The following RBFOX1 variants were observed in gnomAD, a reference collection of about 807,000 sequenced individuals.
The protein encoded by RBFOX1 is RNA binding protein fox-1 homolog 1.
In RBFOX1, 8 loss-of-function variants were observed where a neutral mutation model predicts 57.7. The observed-to-expected ratio is 0.14, with a 90% CI of 0.08 to 0.25. RBFOX1 has a LOEUF of 0.25. Among genes scored for constraint, RBFOX1 ranks in the 10% least tolerant of loss-of-function variants. The pLI is 1.00. For synonymous variants in RBFOX1, 326 were observed against 222.4 expected, an observed-to-expected ratio of 1.47 and a Z score of -4.15; for missense variants, 611 against 548.5, an observed-to-expected ratio of 1.11 and a Z score of -1.14.
rs142882580 is a variant in RBFOX1 at position 7,448,851 on chromosome 16, T to G, written c.28-69296T>G. 3.3e-3 allele frequency among the ~76,000 whole-genome samples: 501 copies of G among 151,826 alleles called. 2 individuals carry two copies. Among genetic ancestry groups the G allele is most frequent in the African/African-American group, 0.012 (485 of 41,442 alleles). ...TAGGGCCCACTTTAATCCGGTATAA[T>G]CTCATCTTAACTAAATACATCTGCA... On this transcript the variant is annotated intron_variant, in intron 4 of 15. Coordinates refer to ENST00000550418, the MANE Select transcript of RBFOX1 (RefSeq NM_018723.4).
intron 3 of RBFOX1, among the ~76,000 whole-genome samples, chr16:6,768,119 C>T (rs1230996515): frequency 6.6e-6 from 1 of 151,804 alleles, no homozygotes; most frequent in Non-Finnish European, 1.5e-5. Context: ...ATTTGCTTGG[C>T]CCCCGAGGCA....
intron 2 of RBFOX1, among the ~76,000 whole-genome samples, chr16:6,330,644 G>A (rs1357834660): frequency 6.6e-6 from 1 of 152,222 alleles, no homozygotes; most frequent in Non-Finnish European, 1.5e-5. Flanking sequence ...GAGAGACACA[G>A]TGGGAAAACC....
chr16:6,975,526 C>T lies in RBFOX1; in HGVS notation c.-15-76531C>T, dbSNP rs1479758506. On this transcript the variant is annotated intron_variant, in intron 3 of 15. Coordinates refer to ENST00000550418, the MANE Select transcript of RBFOX1 (RefSeq NM_018723.4). ...AAGTGATCTGCCTACCTTGGCCTCC[C>T]AAAGTGCTGGGATTACAGGCGTGAG... is the stretch of plus-strand genomic sequence containing the variant. Among the ~76,000 whole-genome samples, 2 of 152,122 alleles carry T rather than the reference C, an allele frequency of 1.3e-5. 1 individual carries two copies. The highest frequency in any genetic ancestry group is 2.9e-5 in the Non-Finnish European group (2 of 68,034).
At chr16:6,597,262 G>GT (rs997453143) in intron 2 of RBFOX1, among the ~76,000 whole-genome samples, 1 of 152,144 alleles carries the variant, frequency 6.6e-6, no homozygotes, top group Non-Finnish European at 1.5e-5. Flanking sequence ...CCTAGACTTT[G>GT]TTTTGCAGTA....
chr16:5,613,805 T>G (rs556603212), intron 3 of RBFOX1, among the ~76,000 whole-genome samples: 43 of 137,390 alleles, frequency 3.1e-4, no homozygotes, highest in Middle Eastern at 3.7e-3. Context: ...GTAGATGGGG[T>G]TTTTTTTTTT....
intron 1 of RBFOX1, among the ~76,000 whole-genome samples, chr16:6,291,019 C>G (rs991443667): frequency 6.6e-6 from 1 of 152,146 alleles, no homozygotes; most frequent in African/African-American, 2.4e-5. Context: ...GTGTATTATT[C>G]AGGCCTCCCC....
At chr16:6,913,794 C>G (rs1597059573) in intron 3 of RBFOX1, among the ~76,000 whole-genome samples, 1 of 152,170 alleles carries the variant, frequency 6.6e-6, no homozygotes, top group East Asian at 1.9e-4. Context: ...CTGAAACACA[C>G]AGTGACAGCA....
At chr16:6,711,461 G>C (rs766272861) in intron 3 of RBFOX1, among the ~76,000 whole-genome samples, 3 of 152,126 alleles carry the variant, frequency 2.0e-5, no homozygotes, top group Non-Finnish European at 4.4e-5. Context: ...ACGTGTCAAG[G>C]GAGGGACCTG....
intron 1 of RBFOX1, chr16:6,056,900 C>T (rs770923934): frequency 1.4e-4 from 21 of 148,492 alleles, no homozygotes; most frequent in African/African-American, 4.2e-4. Context: ...AGAACAAAGA[C>T]GGAGTGCAGA....
chr16:6,463,408 A>T (rs745367304), intron 2 of RBFOX1, among the ~76,000 whole-genome samples: 3 of 152,216 alleles, frequency 2.0e-5, no homozygotes, highest in African/African-American at 7.2e-5. Context: ...TAGCCTTGGC[A>T]GGATGCTATG....
At chr16:6,248,057 C>G (rs918096328) in intron 1 of RBFOX1, among the ~76,000 whole-genome samples, 3 of 152,158 alleles carry the variant, frequency 2.0e-5, no homozygotes, top group African/African-American at 7.2e-5. Flanking sequence ...TGTTCAGAAA[C>G]TGTTATTAAA....
intron 2 of RBFOX1, among the ~76,000 whole-genome samples, chr16:6,465,985 T>C (rs1253797636): frequency 6.6e-6 from 1 of 152,058 alleles, no homozygotes; most frequent in Non-Finnish European, 1.5e-5. Context: ...TCCTAGCATA[T>C]TGAGAGGCTG....
At chr16:7,022,600 A>G (rs2039636870) in intron 3 of RBFOX1, among the ~76,000 whole-genome samples, 2 of 152,110 alleles carry the variant, frequency 1.3e-5, no homozygotes, top group Admixed American at 6.6e-5. Context: ...ATTTATTGGG[A>G]AGCTGTTGTG....
At chr16:6,640,525 G>A (rs1033968341) in intron 2 of RBFOX1, among the ~76,000 whole-genome samples, 4 of 151,992 alleles carry the variant, frequency 2.6e-5, no homozygotes, top group African/African-American at 9.7e-5. Flanking sequence ...GGAGAATAGC[G>A]TGAACCCGGG....
intron 3 of RBFOX1, among the ~76,000 whole-genome samples, chr16:7,014,089 T>C (rs2153660495): frequency 6.6e-6 from 1 of 152,326 alleles, no homozygotes; most frequent in South Asian, 2.1e-4. Context: ...ACAATGTCAT[T>C]GGAATGGCCG....
chr16:5,675,089 A>G (rs946200413), intron 3 of RBFOX1, among the ~76,000 whole-genome samples: 9 of 152,154 alleles, frequency 5.9e-5, no homozygotes, highest in African/African-American at 2.2e-4. Context: ...TCAAGGCTGC[A>G]GTGAGCTGTG....
intron 4 of RBFOX1, among the ~76,000 whole-genome samples, chr16:5,970,854 C>G (rs1885407211): frequency 6.6e-6 from 1 of 152,142 alleles, no homozygotes; most frequent in South Asian, 2.1e-4. Flanking sequence ...ATTTTTCATT[C>G]TCTCTTAGGA....
chr16:7,336,338 A>G (rs1205928056), intron 4 of RBFOX1, among the ~76,000 whole-genome samples: 5 of 152,202 alleles, frequency 3.3e-5, no homozygotes, highest in Admixed American at 3.3e-4. Flanking sequence ...CTAGGTATCT[A>G]CCTCATAGAT....
intron 4 of RBFOX1, among the ~76,000 whole-genome samples, chr16:5,920,307 C>A (rs572179436): frequency 1.2e-3 from 184 of 152,078 alleles, no homozygotes; most frequent in Non-Finnish European, 1.6e-3. Context: ...TGTACATTAC[C>A]CATATAATTG....
Sources: allele counts gnomAD v4.1 joint callset (sites outside exome capture counted in the v4.1 genomes callset), GRCh38; gene constraint gnomAD v4.1.1; transcripts MANE v1.5; gene names NCBI Gene and HGNC (gene_info 2026-07-23, HGNC 2026-07-21).